Variants in PSD3 observed in about 807,000 individuals in gnomAD.
PSD3 encodes pleckstrin and Sec7 domain containing 3, also known as PH and SEC7 domain-containing protein 3.
A neutral mutation model predicts 105.5 loss-of-function variants in PSD3; 49 were observed. The ratio of observed to expected loss-of-function variants is 0.46; its 90% confidence interval spans 0.37 to 0.59. The LOEUF (loss-of-function observed/expected upper bound fraction) is 0.59. PSD3 is among the 20% of genes least tolerant of loss of function. PSD3 has a pLI of 0.00. For synonymous variants in PSD3, 557 were observed against 457.8 expected (o/e 1.22, Z -2.77); for missense variants, 1,561 against 1,263.8 (o/e 1.24, Z -3.57).
At chr8:18,793,372 G>C (rs374782520) in intron 8 of PSD3, among the ~76,000 whole-genome samples, 142 of 125,440 alleles carry the variant, frequency 1.1e-3, no homozygotes, top group Middle Eastern at 4.1e-3. Context: ...TATCAAAATA[G>C]AAAAAAAAAA....
intron 9 of PSD3, chr8:18,762,871 A>T (rs1806654152): frequency 8.3e-7 from 1 of 1,205,080 alleles, no homozygotes; most frequent in Non-Finnish European, 1.1e-6. Context: ...AACAACTACA[A>T]CAACAAAAAA....
intron 2 of PSD3, among the ~76,000 whole-genome samples, chr8:18,927,790 A>G (rs190993053): frequency 6.6e-6 from 1 of 152,310 alleles, no homozygotes; most frequent in East Asian, 1.9e-4. Context: ...AGCACACAAG[A>G]AGACATCATT....
At chr8:18,999,892 C>T (rs1586606412) in intron 1 of PSD3, 1 of 151,384 alleles carries the variant, frequency 6.6e-6, no homozygotes, top group South Asian at 2.1e-4. Context: ...GTTTTAGTAA[C>T]GCTTCTAAAA....
chr8:18,632,326 G>A (rs543293411), intron 11 of PSD3, among the ~76,000 whole-genome samples: 3 of 152,156 alleles, frequency 2.0e-5, no homozygotes, highest in Admixed American at 1.3e-4. Flanking sequence ...GGCTGGCACA[G>A]CAGGTAGTCA....
At chr8:19,050,192 TA>T (rs1828472830) in intron 1 of PSD3, among the ~76,000 whole-genome samples, 1 of 152,180 alleles carries the variant, frequency 6.6e-6, no homozygotes. Context: ...GTGTTCTAAT[TA>T]AAATGACTCT....
intron 1 of PSD3, among the ~76,000 whole-genome samples, chr8:19,004,165 T>C (rs1157033024): frequency 1.3e-5 from 2 of 152,194 alleles, no homozygotes. Context: ...AGCAATTCTC[T>C]GTCTAATCCA....
intron 1 of PSD3, among the ~76,000 whole-genome samples, chr8:19,076,060 A>T (rs989827309): frequency 6.6e-6 from 1 of 152,090 alleles, no homozygotes; most frequent in Admixed American, 6.6e-5. Flanking sequence ...GAAGTGGCTC[A>T]CGAAACAGTA....
At chr8:19,024,604 A>G (rs1827478963) in intron 1 of PSD3, among the ~76,000 whole-genome samples, 1 of 152,206 alleles carries the variant, frequency 6.6e-6, no homozygotes, top group Non-Finnish European at 1.5e-5. Flanking sequence ...GAGGTGACTT[A>G]GGATGGAGCC....
chr8:18,916,587 G>A (rs936127946), intron 2 of PSD3, among the ~76,000 whole-genome samples: 28 of 151,652 alleles, frequency 1.8e-4, no homozygotes, highest in African/African-American at 6.1e-4. Flanking sequence ...ACAGCAGGGA[G>A]GAGGATGAGG....
At chr8:18,741,763 T>A (rs560929424) in intron 9 of PSD3, among the ~76,000 whole-genome samples, 2 of 130,878 alleles carry the variant, frequency 1.5e-5, no homozygotes, top group South Asian at 4.7e-4. Context: ...TACAACAATA[T>A]GGGCTTCAAC....
Position 18,812,551 on chromosome 8 carries a change from G to A in PSD3, c.1635-7653C>T, listed in dbSNP as rs75721584. On this transcript the variant is annotated intron_variant, in intron 4 of 15. Transcript: ENST00000327040. The stretch of plus-strand genomic sequence containing the variant: ...GGTGGCAGTAGGGGCTATAGGTCCC[G>A]GAGGACCTGCCAACTGGTCCTTTGG... 1.9e-4 allele frequency among the ~76,000 whole-genome samples: 29 copies of A among 152,232 alleles called. No individual in the cohort carries two copies. The East Asian group carries it at 4.3e-3, about 22-fold the overall frequency.
At chr8:18,857,456 C>T (rs554531128) in intron 4 of PSD3, among the ~76,000 whole-genome samples, 13 of 152,158 alleles carry the variant, frequency 8.5e-5, no homozygotes, top group Non-Finnish European at 1.3e-4. Context: ...ACCTAGGCTG[C>T]GCATCAGAAT....
intron 8 of PSD3, among the ~76,000 whole-genome samples, chr8:18,793,385 A>AC (rs1295085179): frequency 2.6e-5 from 4 of 151,268 alleles, no homozygotes; most frequent in Non-Finnish European, 5.9e-5. Context: ...AAAAAAAACA[A>AC]AACAAAACTG....
chr8:18,950,794 G>C (rs977990664), intron 1 of PSD3, among the ~76,000 whole-genome samples: 2 of 152,028 alleles, frequency 1.3e-5, no homozygotes, highest in Non-Finnish European at 2.9e-5. Context: ...GGGAACATCA[G>C]GTTGTTCCCT....
chr8:18,941,313 T>C (rs1563445730), intron 1 of PSD3, among the ~76,000 whole-genome samples: 1 of 152,232 alleles, frequency 6.6e-6, no homozygotes, highest in Non-Finnish European at 1.5e-5. Flanking sequence ...AGTTTGGGCT[T>C]CAGCTTCCCT....
At chr8:18,599,664 A>T (rs533493583) in intron 12 of PSD3, among the ~76,000 whole-genome samples, 148 of 152,284 alleles carry the variant, frequency 9.7e-4, no homozygotes, top group African/African-American at 3.5e-3. Flanking sequence ...ACTAATATGC[A>T]GACTGTTTTC....
intron 13 of PSD3, among the ~76,000 whole-genome samples, chr8:18,573,089 C>G (rs915232256): frequency 4.6e-5 from 7 of 152,154 alleles, no homozygotes; most frequent in African/African-American, 9.7e-5. Context: ...CTTTGGAAAA[C>G]AGCTGACAGG....
intron 2 of PSD3, among the ~76,000 whole-genome samples, chr8:18,874,401 G>T (rs576524207): frequency 2.0e-5 from 3 of 151,892 alleles, no homozygotes; most frequent in African/African-American, 7.3e-5. Context: ...TCTTGACCTC[G>T]TGATCCACCT....
At chr8:18,893,495 A>AT (rs1426688223) in intron 2 of PSD3, among the ~76,000 whole-genome samples, 4 of 151,954 alleles carry the variant, frequency 2.6e-5, no homozygotes, top group Non-Finnish European at 5.9e-5. Flanking sequence ...CTTTTTATTT[A>AT]TTTTTTCTTT....
Sources: allele counts gnomAD v4.1 joint callset (sites outside exome capture counted in the v4.1 genomes callset), GRCh38; gene constraint gnomAD v4.1.1; transcripts MANE v1.5; gene names NCBI Gene and HGNC (gene_info 2026-07-23, HGNC 2026-07-21).